SLC12A3: variants seen among roughly 807,000 people sequenced by gnomAD.
SLC12A3 encodes Na-Cl cotransporter.
SLC12A3 carries 104 observed loss-of-function variants against 121.0 expected under a neutral mutation model. That is an observed-to-expected ratio of 0.86 (90% CI 0.73 to 1.01). The LOEUF (loss-of-function observed/expected upper bound fraction) is 1.01, where lower values mean the gene tolerates loss of function less well. Ranked by LOEUF, SLC12A3 falls within the 50% of genes least tolerant of loss-of-function variation. The pLI is 0.00. For synonymous variants in SLC12A3, 536 were observed against 533.4 expected (o/e 1.00, Z -0.07); for missense variants, 1,328 against 1,356.3 (o/e 0.98, Z 0.33).
chr16:56,891,291 G>C (rs149289191), intron 19 of SLC12A3, among the ~76,000 whole-genome samples: 313 of 148,758 alleles, frequency 2.1e-3, no homozygotes, highest in African/African-American at 7.5e-3. Context: ...AGGATCGCTT[G>C]AGGCCAGGAG....
chr16:56,894,693 T>A, intron 22 of SLC12A3, 51 bp downstream of exon 22: 1 of 1,387,154 alleles, frequency 7.2e-7, no homozygotes, highest in Non-Finnish European at 1.0e-6. Context: ...AGTGTCATCT[T>A]AGCTCCACCC....
At position 56,912,138 on chromosome 16, in the gene SLC12A3, A is replaced by G. The variant is rs983217649; in HGVS notation, c.2925-1126A>G. ...CGGGCCCTGCCCATTCCCCAGGGGG[A>G]TGTACTTGGGGAAAACAGACACTCA... is the stretch of plus-strand genomic sequence containing the variant. On this transcript the variant is annotated intron_variant, in intron 25 of 25. Coordinates refer to ENST00000563236, the MANE Select transcript of SLC12A3 (RefSeq NM_001126108.2). 2.0e-5 allele frequency among the ~76,000 whole-genome samples: 3 copies of G among 152,164 alleles called. No homozygotes were observed. In the East Asian group the frequency reaches 5.8e-4, roughly 29 times the overall value.
intron 1 of SLC12A3, 94 bp from the exon 2 acceptor site, chr16:56,866,976 G>A (rs1050828551): frequency 6.5e-7 from 1 of 1,547,566 alleles, no homozygotes; most frequent in South Asian, 1.1e-5. Flanking sequence ...GGGGTGCTCG[G>A]TATGGGGCGC....
chr16:56,872,199 C>T (rs181333488), intron 6 of SLC12A3, 152 bp from the exon 7 acceptor site: 4 of 668,976 alleles, frequency 6.0e-6, no homozygotes, highest in South Asian at 3.3e-5. Context: ...ATATTCCCAA[C>T]TCCTTGAACA....
At chr16:56,882,575 G>A in intron 13 of SLC12A3, 78 bp downstream of exon 13, 1 of 1,105,596 alleles carries the variant, frequency 9.0e-7, no homozygotes, top group Non-Finnish European at 1.4e-6. Context: ...GGGAGTGGGA[G>A]GCATGGGTGG....
In SLC12A3 at chr16:56,868,385, C is replaced by G. The variant is rs752888679; in HGVS notation, c.505+13C>G. ...CAGGCAGGCATCGGTGAGTGCCCCT[C>G]TGGGGAAGAGGAGGGAGGGCTTGCC... On this transcript the variant is annotated intron_variant, in intron 3 of 25. Coordinates refer to ENST00000563236, the MANE Select transcript of SLC12A3 (RefSeq NM_001126108.2). 2 of 1,609,010 alleles carry G rather than the reference C, an allele frequency of 1.2e-6. No individual in the cohort carries two copies. Among genetic ancestry groups the G allele is most frequent in the Non-Finnish European group, 1.7e-6 (2 of 1,177,494 alleles).
chr16:56,874,846 C>T (rs1021387845), intron 8 of SLC12A3, among the ~76,000 whole-genome samples: 1 of 152,116 alleles, frequency 6.6e-6, no homozygotes, highest in Non-Finnish European at 1.5e-5. Context: ...CACATGGAGT[C>T]GACTGTGAAG....
In SLC12A3 at chr16:56,880,111, G is replaced by A. The variant is rs765427191; in HGVS notation, c.1444-19G>A. ...GGCAGGTCCCAGCCTAAGGGTGAGTGCGGCATCTGGTGCTGCAGTGCCTTT... is the reference window on the plus strand; with the variant it reads ...GGCAGGTCCCAGCCTAAGGGTGAGTACGGCATCTGGTGCTGCAGTGCCTTT... On this transcript the variant is annotated intron_variant, in intron 11 of 25. Coordinates refer to ENST00000563236, the MANE Select transcript of SLC12A3 (RefSeq NM_001126108.2). The A allele has an allele frequency of 6.2e-7, 1 of 1,600,526 alleles. No homozygotes were observed. The highest frequency in any genetic ancestry group is 8.5e-7 in the Non-Finnish European group (1 of 1,175,162).
intron 22 of SLC12A3, among the ~76,000 whole-genome samples, chr16:56,899,124 C>T (rs1185584253): frequency 6.6e-6 from 1 of 152,168 alleles, no homozygotes; most frequent in East Asian, 1.9e-4. Flanking sequence ...CTGCCGCTAC[C>T]CCCATGTTCT....
rs200086762 is a variant in SLC12A3, at chr16:56,870,734, A to C, written c.850A>C (p.Lys284Gln). The change falls in exon 6 of 26, where the codon AAG becomes CAG. Residue 284 changes from lysine to glutamine, a missense_variant and splice_region_variant. Transcript: ENST00000563236. ...CCTGGCTGGCATGGAGTGGGAGTCC[A>C]AGGTGAGGAGGCCATGGAGGAGGGG... ...ISLAGMEWES[K>Q]AQVLFFLVIM... 5.9e-5 allele frequency: 95 copies of C among 1,604,278 alleles called. No individual in the cohort carries two copies. Among genetic ancestry groups the C allele is most frequent in the Non-Finnish European group, 7.5e-5 (88 of 1,171,274 alleles).
At chr16:56,879,276 G>C in intron 10 of SLC12A3, 49 bp downstream of exon 10, 1 of 1,609,898 alleles carries the variant, frequency 6.2e-7, no homozygotes, top group Non-Finnish European at 8.5e-7. Context: ...GCTGGGTGGA[G>C]GCTGCAGGGC....
intron 14 of SLC12A3, 57 bp downstream of exon 14, chr16:56,884,261 G>A (rs1164850919): frequency 3.3e-5 from 52 of 1,583,486 alleles, no homozygotes; most frequent in South Asian, 3.0e-4. Flanking sequence ...CCATGCAGGC[G>A]GCCCTGCCCT....
At chr16:56,894,819 G>A (rs1195747148) in intron 22 of SLC12A3, among the ~76,000 whole-genome samples, 177 bp downstream of exon 22, 1 of 152,110 alleles carries the variant, frequency 6.6e-6, no homozygotes, top group Admixed American at 6.6e-5. Flanking sequence ...GCAGGAGCAG[G>A]TTTCTCTCCA....
chr16:56,893,950 GTATTTT>G (rs201508930), intron 21 of SLC12A3, among the ~76,000 whole-genome samples: 9,487 of 141,462 alleles, frequency 0.067, 425 homozygotes, highest in Middle Eastern at 0.082. Context: ...GCTAATTTTT[GTATTTT>G]TATTTTTATT....
chr16:56,895,214 T>C (rs2055446308), intron 22 of SLC12A3, among the ~76,000 whole-genome samples: 1 of 145,090 alleles, frequency 6.9e-6, no homozygotes, highest in South Asian at 2.1e-4. Flanking sequence ...TTTTTTGAGA[T>C]GGATTCTCAC....
intron 10 of SLC12A3, 74 bp from the exon 11 acceptor site, chr16:56,879,468 G>T: frequency 2.3e-6 from 3 of 1,294,368 alleles, no homozygotes; most frequent in Non-Finnish European, 2.2e-6. Flanking sequence ...CCCGCAGTAG[G>T]GAATGAAGTG....
chr16:56,904,230 C>A, intron 24 of SLC12A3, 165 bp from the exon 25 acceptor site: 2 of 688,852 alleles, frequency 2.9e-6, no homozygotes, highest in South Asian at 3.0e-5. Flanking sequence ...CTCTGAGGGT[C>A]CCCTTCTTCC....
chr16:56,912,703 T>C (rs566635109), intron 25 of SLC12A3, among the ~76,000 whole-genome samples: 1 of 152,302 alleles, frequency 6.6e-6, no homozygotes, highest in African/African-American at 2.4e-5. Flanking sequence ...AACATTCTAA[T>C]GTGGGGAGAC....
intron 3 of SLC12A3, among the ~76,000 whole-genome samples, chr16:56,868,982 T>A (rs11649213): frequency 0.82 from 123,870 of 150,520 alleles, 50,966 homozygotes; most frequent in East Asian, 0.95. Context: ...TCAAAAAAAA[T>A]AAAAAATAAA....
Sources: gnomAD v4.1 joint callset for allele counts (sites outside exome capture counted in the v4.1 genomes callset) on GRCh38, gnomAD v4.1.1 for gene constraint, MANE v1.5 for transcripts, NCBI Gene and HGNC (gene_info 2026-07-23, HGNC 2026-07-21) for gene names.